Variants in LRPPRC observed in about 807,000 individuals in gnomAD.
LRPPRC encodes leucine-rich PPR motif-containing protein, mitochondrial.
A neutral mutation model predicts 180.3 loss-of-function variants in LRPPRC; 120 were observed. The ratio of observed to expected loss-of-function variants is 0.67; its 90% CI spans 0.57 to 0.77. The LOEUF (loss-of-function observed/expected upper bound fraction) is 0.77, where lower values mean the gene tolerates loss of function less well. LRPPRC is among the 30% of genes least tolerant of loss of function. The probability of loss-of-function intolerance (pLI) is 0.00; values close to 1 mark genes in which losing one functional copy is unlikely to be tolerated. For synonymous variants in LRPPRC, 723 were observed against 600.0 expected, an observed-to-expected ratio of 1.21 and a Z score of -3.00; for missense variants, 2,012 against 1,657.2, an observed-to-expected ratio of 1.21 and a Z score of -3.72.
At position 43,896,468 on chromosome 2, in the gene LRPPRC, A is replaced by G. The variant is rs1670690941; in HGVS notation, c.3900+166T>C. On this transcript the variant is annotated intron_variant, in intron 35 of 37. Transcript: ENST00000260665. ...TGAACTTGTTTTACATTTCCAGTAC[A>G]GCTAACAGACGACAAAACTGACTCT... The G allele has an allele frequency of 6.9e-5, 41 of 592,962 alleles. No homozygotes were observed. The South Asian group carries it at 7.7e-4, about 11-fold the overall frequency. 36.7% of individuals were successfully genotyped at this position (592,962 alleles called of 1,614,324 possible). A position where few individuals can be genotyped will look rare whatever the true frequency, so the allele number is the denominator to read the frequency against.
At position 43,947,264 on chromosome 2, in the gene LRPPRC, G is replaced by C; in HGVS notation, c.2072C>G (p.Ser691Ter). 1 of 1,545,250 alleles carries C rather than the reference G, an allele frequency of 6.5e-7. No homozygotes were observed. Residue 691 changes from serine (S) to a stop codon, truncating the protein, a stop_gained, in exon 20 of 38, where the codon TCA (serine) becomes TGA (stop). Transcript: ENST00000260665. LOFTEE classifies it high-confidence loss of function. ...TATTAAAACAAATGTTACCTCTTCT[G>C]AACAAAGCACTAATATGAGTTGCTT... is the stretch of plus-strand genomic sequence containing the variant. ...VLKQLILVLC[S>*]EENMQKALEL...
Position 43,901,364 on chromosome 2 carries a change from T to G in LRPPRC, c.3525A>C (p.Ser1175=). The G allele has an allele frequency of 6.2e-7, 1 of 1,614,076 alleles. No individual in the cohort carries two copies. Among genetic ancestry groups the G allele is most frequent in the South Asian group, 1.1e-5 (1 of 91,088 alleles). ...CAATGTTATTGATGAAAACCATTTT[T>G]GAAAGTCCAATGGAGTCTTCGAGTC... ...LNGLEDSIGL[S]KMVFINNIAL... is the part of the protein sequence containing the mutation. The change falls in exon 32 of 38, where the codon TCA becomes TCC. Residue 1175 remains serine, a synonymous_variant. Transcript: ENST00000260665.
chr2:43,918,814 T>TAG (rs1558938482), intron 27 of LRPPRC, among the ~76,000 whole-genome samples: 4 of 145,002 alleles, frequency 2.8e-5, no homozygotes, highest in African/African-American at 7.7e-5. Flanking sequence ...TATATAGATA[T>TAG]ATATATATCT....
intron 23 of LRPPRC, among the ~76,000 whole-genome samples, chr2:43,940,646 T>G (rs1672446879): frequency 6.6e-6 from 1 of 152,190 alleles, no homozygotes; most frequent in Non-Finnish European, 1.5e-5. Flanking sequence ...CAGCTTCAGT[T>G]ATTTTTTAAT....
At chr2:43,937,447 C>T (rs1672316825) in intron 23 of LRPPRC, among the ~76,000 whole-genome samples, 1 of 152,086 alleles carries the variant, frequency 6.6e-6, no homozygotes. Flanking sequence ...ATTTACATTC[C>T]CCACATAATT....
At chr2:43,977,648 T>C (rs1249773127) in intron 3 of LRPPRC, among the ~76,000 whole-genome samples, 1 of 152,170 alleles carries the variant, frequency 6.6e-6, no homozygotes, top group Non-Finnish European at 1.5e-5. Flanking sequence ...GAAGAATGGA[T>C]TGTAACTTCA....
In LRPPRC at chr2:43,979,913, G is replaced by C. The variant is rs1487172105; in HGVS notation, c.382C>G (p.Arg128Gly). ...LGGSHALLLL[R>G]SCGSLLPELK... The stretch of plus-strand genomic sequence containing the variant: ...TCAGGCAAGAGAGAACCACAACTAC[G>C]TAGTAGAAGCAAGGCATGACTACCA... Residue 128 changes from arginine to glycine, a missense_variant, in exon 3 of 38, where the codon CGT becomes GGT. Transcript: ENST00000260665. 4 of 1,613,588 alleles carry C rather than the reference G, an allele frequency of 2.5e-6. No homozygotes were observed. Among genetic ancestry groups the C allele is most frequent in the South Asian group, 1.1e-5 (1 of 91,072 alleles).
chr2:43,899,347 C>T lies in LRPPRC; in HGVS notation c.3710-13G>A, dbSNP rs758779821. 6.2e-7 allele frequency: 1 copy of T among 1,610,504 alleles called. No homozygotes were observed. Among genetic ancestry groups the T allele is most frequent in the Non-Finnish European group, 8.5e-7 (1 of 1,176,738 alleles). The stretch of plus-strand genomic sequence containing the variant: ...GCCATGATGCTTACTGGAAAAATGA[C>T]AGGTAAGAAAAATCTTTCATTAGAA... On this transcript the variant is annotated splice_polypyrimidine_tract_variant and intron_variant, in intron 33 of 37. Coordinates refer to ENST00000260665, the MANE Select transcript of LRPPRC (RefSeq NM_133259.4).
At chr2:43,922,405 T>C (rs1671729517) in intron 27 of LRPPRC, among the ~76,000 whole-genome samples, 1 of 152,292 alleles carries the variant, frequency 6.6e-6, no homozygotes, top group Non-Finnish European at 1.5e-5. Context: ...CGAAGGAAAG[T>C]TGCTTTTCAA....
intron 29 of LRPPRC, among the ~76,000 whole-genome samples, chr2:43,917,574 G>C (rs1033645671): frequency 6.6e-6 from 1 of 151,988 alleles, no homozygotes; most frequent in African/African-American, 2.4e-5. Context: ...CAGATCACGA[G>C]GTCAGGAGAT....
At chr2:43,923,832 T>C (rs901446224) in intron 27 of LRPPRC, among the ~76,000 whole-genome samples, 9 of 152,150 alleles carry the variant, frequency 5.9e-5, no homozygotes, top group African/African-American at 2.2e-4. Flanking sequence ...CATCATGAAA[T>C]TGTTTTTAAA....
intron 30 of LRPPRC, among the ~76,000 whole-genome samples, chr2:43,907,739 TA>T (rs1410811910): frequency 6.6e-6 from 1 of 152,070 alleles, no homozygotes; most frequent in Non-Finnish European, 1.5e-5. Context: ...GGAAAAAGAG[TA>T]CCCTCTTTCA....
Position 43,899,578 on chromosome 2 carries a change from G to A in LRPPRC, c.3597C>T (p.Asn1199=), listed in dbSNP as rs2104990060. The change falls in exon 33 of 38, where the codon AAC becomes AAT. Residue 1199 remains asparagine, a synonymous_variant. Transcript: ENST00000260665. The stretch of plus-strand genomic sequence containing the variant: ...TCTCTGAAGTAAGCATATTTTCAAT[G>A]TTTTCTATTGCGGCATCTATGTTAT... ...KNNNIDAAIE[N]IENMLTSENK... is the part of the protein sequence containing the mutation. The A allele has an allele frequency of 6.2e-7, 1 of 1,610,702 alleles. No homozygotes were observed. The highest frequency in any genetic ancestry group is 2.2e-5 in the East Asian group (1 of 44,848).
chr2:43,962,728 AAAAG>A (rs1353469101), intron 12 of LRPPRC, among the ~76,000 whole-genome samples: 2 of 152,218 alleles, frequency 1.3e-5, no homozygotes, highest in East Asian at 3.9e-4. Context: ...GAAGTTTAAA[AAAAG>A]AGAGAGAGAC....
At chr2:43,950,468 T>C in intron 15 of LRPPRC, 105 bp downstream of exon 15, 4 of 1,047,084 alleles carry the variant, frequency 3.8e-6, no homozygotes, top group Non-Finnish European at 6.0e-6. Flanking sequence ...AAAATTTTAG[T>C]AGAAAACCAA....
intron 34 of LRPPRC, 137 bp from the exon 35 acceptor site, chr2:43,896,845 T>G (rs1670704799): frequency 3.1e-6 from 2 of 647,792 alleles, no homozygotes; most frequent in Middle Eastern, 2.7e-4. Flanking sequence ...AGTCGACTAT[T>G]ATTTTTTAAG....
intron 37 of LRPPRC, 81 bp downstream of exon 37, chr2:43,889,653 C>T: frequency 8.6e-7 from 1 of 1,159,644 alleles, no homozygotes; most frequent in Non-Finnish European, 1.3e-6. Flanking sequence ...ATTAAGTCTT[C>T]AACTTATTTT....
intron 1 of LRPPRC, among the ~76,000 whole-genome samples, chr2:43,994,764 C>A (rs1674945211): frequency 1.3e-5 from 2 of 152,196 alleles, no homozygotes; most frequent in South Asian, 4.1e-4. Flanking sequence ...CTATTAATAA[C>A]CAAATGAACA....
intron 32 of LRPPRC, among the ~76,000 whole-genome samples, chr2:43,900,078 CTGA>C (rs1278133542): frequency 6.6e-6 from 1 of 152,074 alleles, no homozygotes; most frequent in African/African-American, 2.4e-5. Context: ...CTTAAAGATA[CTGA>C]TGATGTTTCA....
Sources: allele counts gnomAD v4.1 joint callset (sites outside exome capture counted in the v4.1 genomes callset), GRCh38; gene constraint gnomAD v4.1.1; transcripts MANE v1.5; gene names NCBI Gene and HGNC (gene_info 2026-07-23, HGNC 2026-07-21).